The following VRK1 variants were observed in gnomAD, a reference collection of about 807,000 sequenced individuals.
VRK1 encodes serine/threonine-protein kinase VRK1.
In VRK1, 33 loss-of-function variants were observed where a neutral mutation model predicts 57.1. That is an observed-to-expected ratio of 0.58 (90% CI 0.44 to 0.77). The LOEUF (loss-of-function observed/expected upper bound fraction) is 0.77. VRK1 is among the 30% of genes least tolerant of loss of function. VRK1 has a pLI of 0.00. For synonymous variants in VRK1, 137 were observed against 147.8 expected (o/e 0.93, Z 0.53); for missense variants, 413 against 477.3 (o/e 0.87, Z 1.25).
rs547560386 is a variant in VRK1 at position 96,830,603 on chromosome 14, C to A, written c.-5-2864C>A. Among the ~76,000 whole-genome samples, 31 of 152,054 alleles carry A rather than the reference C, an allele frequency of 2.0e-4. No homozygotes were observed. In the South Asian group the frequency reaches 6.2e-3, roughly 31 times the overall value. On this transcript the variant is annotated intron_variant, in intron 1 of 12. Transcript: ENST00000216639. ...GAAATACTAATTTATAGCTATCAAC[C>A]TTTTGGGAGGCATGTTTTCTTATGT...
intron 1 of VRK1, among the ~76,000 whole-genome samples, chr14:96,829,180 A>G (rs1037185344): frequency 6.6e-6 from 1 of 151,112 alleles, no homozygotes; most frequent in Non-Finnish European, 1.5e-5. Context: ...TAAAGTACAG[A>G]TTTTGCTTAG....
At chr14:96,858,208 C>T (rs576273498) in intron 10 of VRK1, among the ~76,000 whole-genome samples, 1 of 152,220 alleles carries the variant, frequency 6.6e-6, no homozygotes, top group South Asian at 2.1e-4. Flanking sequence ...CTTCCCACCT[C>T]AGTCTCTGAA....
At chr14:96,808,923 C>T (rs986402851) in intron 1 of VRK1, among the ~76,000 whole-genome samples, 1 of 152,176 alleles carries the variant, frequency 6.6e-6, no homozygotes, top group African/African-American at 2.4e-5. Context: ...CCCTACAATG[C>T]TTGGGGTCTA....
At chr14:96,828,268 C>T (rs1245677525) in intron 1 of VRK1, among the ~76,000 whole-genome samples, 2 of 152,106 alleles carry the variant, frequency 1.3e-5, no homozygotes, top group Non-Finnish European at 2.9e-5. Context: ...ATTGCTGGGT[C>T]GGTTAGCAGG....
chr14:96,855,093 G>C (rs1407326469), intron 7 of VRK1, 131 bp from the exon 8 acceptor site: 1 of 1,290,382 alleles, frequency 7.7e-7, no homozygotes, highest in Non-Finnish European at 1.1e-6. Context: ...GATCTAAATT[G>C]TTTGGAGTGT....
At chr14:96,839,194 G>A (rs537114243) in intron 3 of VRK1, among the ~76,000 whole-genome samples, 1 of 150,674 alleles carries the variant, frequency 6.6e-6, no homozygotes, top group African/African-American at 2.4e-5. Flanking sequence ...TCAGCATAAC[G>A]TTTTAATGGT....
At chr14:96,836,982 C>G (rs531699857) in intron 2 of VRK1, among the ~76,000 whole-genome samples, 1 of 152,202 alleles carries the variant, frequency 6.6e-6, no homozygotes, top group South Asian at 2.1e-4. Context: ...CCTTTCTTTC[C>G]TGCTTAATTT....
At chr14:96,805,321 A>G (rs1318309736) in intron 1 of VRK1, among the ~76,000 whole-genome samples, 1 of 152,208 alleles carries the variant, frequency 6.6e-6, no homozygotes, top group African/African-American at 2.4e-5. Context: ...TTCATGTGAG[A>G]TATTAAAGGA....
intron 11 of VRK1, among the ~76,000 whole-genome samples, chr14:96,863,721 T>C (rs1888475527): frequency 6.6e-6 from 1 of 152,212 alleles, no homozygotes; most frequent in African/African-American, 2.4e-5. Context: ...AATTTTAAAA[T>C]TTTAAAATTT....
chr14:96,871,459 A>G (rs1888818930), intron 11 of VRK1, among the ~76,000 whole-genome samples: 1 of 152,248 alleles, frequency 6.6e-6, no homozygotes, highest in African/African-American at 2.4e-5. Context: ...GTGGGATTAC[A>G]CTGGACACTT....
At chr14:96,799,320 G>A (rs1415456958) in intron 1 of VRK1, among the ~76,000 whole-genome samples, 1 of 151,302 alleles carries the variant, frequency 6.6e-6, no homozygotes, top group Non-Finnish European at 1.5e-5. Flanking sequence ...AAAGGAAATA[G>A]GCCAGCTTTT....
At chr14:96,848,998 C>T (rs964165147) in intron 5 of VRK1, among the ~76,000 whole-genome samples, 6 of 152,058 alleles carry the variant, frequency 3.9e-5, no homozygotes, top group Non-Finnish European at 5.9e-5. Context: ...ACCCAATGGC[C>T]GTCTTCCTGT....
intron 11 of VRK1, among the ~76,000 whole-genome samples, chr14:96,862,872 G>A (rs913597170): frequency 6.6e-6 from 1 of 152,238 alleles, no homozygotes; most frequent in Non-Finnish European, 1.5e-5. Context: ...AAAGTGTGAA[G>A]TATATTTTCT....
Position 96,866,040 on chromosome 14 carries a change from G to A in VRK1, c.1068+5305G>A, listed in dbSNP as rs559866147. ...GGAGGACTGTTTTCTTTCAGAGGTG[G>A]AGTCTTCAGCTATCTTTTGGATGCT... On this transcript the variant is annotated intron_variant, in intron 11 of 12. Transcript: ENST00000216639. 4.6e-4 allele frequency among the ~76,000 whole-genome samples: 70 copies of A among 152,076 alleles called. No individual in the cohort carries two copies. The Middle Eastern group carries it at 0.017, about 37-fold the overall frequency.
intron 8 of VRK1, 47 bp from the exon 9 acceptor site, chr14:96,856,083 T>C: frequency 6.2e-7 from 1 of 1,602,386 alleles, no homozygotes; most frequent in Non-Finnish European, 8.5e-7. Context: ...AAATTATACA[T>C]TAAAAATTAT....
At chr14:96,838,467 CA>C (rs1198010541) in intron 3 of VRK1, among the ~76,000 whole-genome samples, 1 of 152,112 alleles carries the variant, frequency 6.6e-6, no homozygotes, top group Admixed American at 6.6e-5. Flanking sequence ...TCCCCTTCTT[CA>C]AAATTACTTG....
intron 12 of VRK1, among the ~76,000 whole-genome samples, chr14:96,878,094 T>C (rs1468972260): frequency 6.6e-6 from 1 of 152,088 alleles, no homozygotes; most frequent in Non-Finnish European, 1.5e-5. Context: ...GCTGTTTATT[T>C]CCCCCATTAC....
intron 3 of VRK1, among the ~76,000 whole-genome samples, chr14:96,844,552 T>G (rs1490574491): frequency 6.6e-6 from 1 of 152,180 alleles, no homozygotes; most frequent in East Asian, 1.9e-4. Flanking sequence ...TACTTTATTT[T>G]TATTTTTGAG....
chr14:96,815,259 C>A (rs1886348520), intron 1 of VRK1, among the ~76,000 whole-genome samples: 1 of 151,866 alleles, frequency 6.6e-6, no homozygotes, highest in African/African-American at 2.4e-5. Context: ...TTATTGATTT[C>A]CAGGATATAT....
Sources: gnomAD v4.1 joint callset for allele counts (sites outside exome capture counted in the v4.1 genomes callset) on GRCh38, gnomAD v4.1.1 for gene constraint, MANE v1.5 for transcripts, NCBI Gene and HGNC (gene_info 2026-07-23, HGNC 2026-07-21) for gene names.